Variants in EPHB1 observed in about 807,000 individuals in gnomAD.
EPHB1 encodes EPH receptor B1.
A neutral mutation model predicts 94.4 loss-of-function variants in EPHB1; 30 were observed. The ratio of observed to expected loss-of-function variants is 0.32; its 90% CI spans 0.24 to 0.43. EPHB1 has a LOEUF of 0.43. Ranked by LOEUF, EPHB1 falls within the 20% of genes least tolerant of loss-of-function variation. The pLI, the probability that EPHB1 is intolerant of heterozygous loss-of-function variation, is 1.00. For missense variants in EPHB1, 1,055 were observed against 1,308.3 expected (o/e 0.81, Z 2.99); for synonymous variants, 522 against 489.1 (o/e 1.07, Z -0.89).
chr3:135,037,970 ATT>A, intron 3 of EPHB1, among the ~76,000 whole-genome samples: 1 of 152,162 alleles, frequency 6.6e-6, no homozygotes, highest in South Asian at 2.1e-4. Flanking sequence ...TATCACAGTC[ATT>A]GTTTACCTAC....
chr3:135,175,107 A>G (rs1302128933), intron 9 of EPHB1, among the ~76,000 whole-genome samples: 2 of 152,090 alleles, frequency 1.3e-5, no homozygotes, highest in African/African-American at 4.8e-5. Flanking sequence ...ATCCCCAAAT[A>G]TCACCTACTG....
At chr3:134,917,955 T>A (rs1217949779) in intron 1 of EPHB1, among the ~76,000 whole-genome samples, 1 of 152,246 alleles carries the variant, frequency 6.6e-6, no homozygotes, top group Non-Finnish European at 1.5e-5. Context: ...CCTCTACCTT[T>A]GTTGTACATT....
intron 4 of EPHB1, among the ~76,000 whole-genome samples, chr3:135,126,582 TA>T (rs1423991311): frequency 6.6e-6 from 1 of 152,098 alleles, no homozygotes; most frequent in Non-Finnish European, 1.5e-5. Flanking sequence ...TGCTCAAGGC[TA>T]AGGTTCTGCC....
intron 12 of EPHB1, among the ~76,000 whole-genome samples, chr3:135,237,113 AGACTGTCT>A (rs1943674943): frequency 6.6e-6 from 1 of 152,132 alleles, no homozygotes; most frequent in South Asian, 2.1e-4. Context: ...TGCTTGCTGC[AGACTGTCT>A]GAAGCTGAGG....
intron 1 of EPHB1, among the ~76,000 whole-genome samples, chr3:134,863,843 G>T (rs533636743): frequency 6.6e-6 from 1 of 152,318 alleles, no homozygotes; most frequent in South Asian, 2.1e-4. Flanking sequence ...AGCTTCCTAT[G>T]CCGTAGACTG....
At chr3:134,940,438 G>A (rs1274733258) in intron 2 of EPHB1, among the ~76,000 whole-genome samples, 1 of 152,184 alleles carries the variant, frequency 6.6e-6, no homozygotes, top group East Asian at 1.9e-4. Context: ...AGCTGTAACT[G>A]GCAGAGGTGG....
At chr3:134,872,653 C>A (rs1306280709) in intron 1 of EPHB1, among the ~76,000 whole-genome samples, 1 of 152,184 alleles carries the variant, frequency 6.6e-6, no homozygotes, top group Non-Finnish European at 1.5e-5. Flanking sequence ...CCAATTTACT[C>A]AATTACATGA....
chr3:135,121,907 C>T (rs940945259), intron 4 of EPHB1, among the ~76,000 whole-genome samples: 1 of 152,094 alleles, frequency 6.6e-6, no homozygotes, highest in Non-Finnish European at 1.5e-5. Context: ...TCAGGCAGTC[C>T]CTTATGCATA....
chr3:134,807,127 G>A (rs1363862915), intron 1 of EPHB1, among the ~76,000 whole-genome samples: 1 of 152,236 alleles, frequency 6.6e-6, no homozygotes, highest in Non-Finnish European at 1.5e-5. Context: ...TAAGGCCAGA[G>A]CCACTTCCAG....
chr3:134,921,562 G>A (rs1048105882), intron 1 of EPHB1, among the ~76,000 whole-genome samples: 18 of 152,108 alleles, frequency 1.2e-4, no homozygotes, highest in African/African-American at 4.3e-4. Context: ...ATGCATTGTT[G>A]TATCCCCAAC....
At chr3:134,860,536 C>G (rs535944969) in intron 1 of EPHB1, among the ~76,000 whole-genome samples, 2 of 152,096 alleles carry the variant, frequency 1.3e-5, no homozygotes, top group Non-Finnish European at 2.9e-5. Context: ...ATTTCTTGGC[C>G]GGGCGCGATG....
Position 135,230,403 on chromosome 3 carries a change from A to T in EPHB1, c.2347-10745A>T, listed in dbSNP as rs1056563677. Among the ~76,000 whole-genome samples the T allele has an allele frequency of 3.3e-5, 5 of 151,198 alleles. No individual in the cohort carries two copies. The South Asian group carries it at 1.0e-3, about 32-fold the overall frequency. ...CATTATCAGTACCCCACCATCTAGG[A>T]GAGCAAAGTGTCTAGAGAAGCTAAA... On this transcript the variant is annotated intron_variant, in intron 12 of 15. Transcript: ENST00000398015.
rs115024086 is a variant in EPHB1, at chr3:134,867,682, G to A, written c.59-58134G>A. On this transcript the variant is annotated intron_variant, in intron 1 of 15. Transcript: ENST00000398015. ...GGAGGAGTCTTGGAGAAAAAACACCGAATGAGTTCAAGATTGTATTCCAAT... is the reference window on the plus strand; with the variant it reads ...GGAGGAGTCTTGGAGAAAAAACACCAAATGAGTTCAAGATTGTATTCCAAT... Among the ~76,000 whole-genome samples, 188 of 152,266 alleles carry A rather than the reference G, an allele frequency of 1.2e-3. 1 individual carries two copies. Among genetic ancestry groups the A allele is most frequent in the African/African-American group, 4.2e-3 (175 of 41,548 alleles).
At position 135,031,305 on chromosome 3, in the gene EPHB1, C is replaced by G. The variant is rs1203665874; in HGVS notation, c.806-75143C>G. On this transcript the variant is annotated intron_variant, in intron 3 of 15. Coordinates refer to ENST00000398015, the MANE Select transcript of EPHB1 (RefSeq NM_004441.5). ...TTCTTCCTTCTCTCTCTCTCTTTCT[C>G]CCTTTCTCTCTTTCTCTGTTTCTTG... is the stretch of plus-strand genomic sequence containing the variant. Among the ~76,000 whole-genome samples, 3 of 152,170 alleles carry G rather than the reference C, an allele frequency of 2.0e-5. No homozygotes were observed. The East Asian group carries it at 5.8e-4, about 30-fold the overall frequency.
chr3:135,204,080 G>A (rs1393605354), intron 12 of EPHB1, among the ~76,000 whole-genome samples: 9 of 151,982 alleles, frequency 5.9e-5, no homozygotes, highest in African/African-American at 1.7e-4. Flanking sequence ...GTTTTGATAC[G>A]GGCATGCAAT....
At chr3:134,865,077 T>C (rs575123675) in intron 1 of EPHB1, among the ~76,000 whole-genome samples, 2 of 152,194 alleles carry the variant, frequency 1.3e-5, no homozygotes, top group African/African-American at 2.4e-5. Context: ...TACGTGTGTG[T>C]GTGTGTGTGC....
At chr3:135,218,079 T>C (rs570535009) in intron 12 of EPHB1, among the ~76,000 whole-genome samples, 2 of 152,256 alleles carry the variant, frequency 1.3e-5, no homozygotes, top group Admixed American at 6.5e-5. Flanking sequence ...CTTACTCATC[T>C]TTCAATCATT....
Position 134,856,116 on chromosome 3 carries a change from A to G in EPHB1, c.58+60427A>G, listed in dbSNP as rs148602758. On this transcript the variant is annotated intron_variant, in intron 1 of 15. Transcript: ENST00000398015. The stretch of plus-strand genomic sequence containing the variant: ...AAAAATGGTGGAAAGCAGGAGAGGA[A>G]AGCAAGTTTGTAACTGAGTGCTAGT... Among the ~76,000 whole-genome samples, 96 of 152,276 alleles carry G rather than the reference A, an allele frequency of 6.3e-4. 1 individual carries two copies. The highest frequency in any genetic ancestry group is 2.1e-3 in the African/African-American group (88 of 41,542).
rs1933033779 is a variant in EPHB1 at position 134,951,632 on chromosome 3, T to C, written c.385T>C (p.Trp129Arg). 1 of 1,614,030 alleles carries C rather than the reference T, an allele frequency of 6.2e-7. No homozygotes were observed. The highest frequency in any genetic ancestry group is 8.5e-7 in the Non-Finnish European group (1 of 1,180,012). ...SVIATKKSAF[W>R]SEAPYLKVDT... The stretch of plus-strand genomic sequence containing the variant: ...CATTGCCACCAAGAAGTCAGCCTTC[T>C]GGTCTGAGGCCCCCTACCTCAAAGT... Residue 129 changes from tryptophan (W) to arginine (R), a missense_variant, in exon 3 of 16, where the codon TGG (tryptophan) becomes CGG (arginine). Trp to Arg is a moderately radical substitution (Grantham distance 101). Coordinates refer to ENST00000398015, the MANE Select transcript of EPHB1 (RefSeq NM_004441.5). This position sits in a 1 kb window ranked among gnomAD's most constrained non-coding sequence, Gnocchi z 4.5.
Sources: gnomAD v4.1 joint callset for allele counts (sites outside exome capture counted in the v4.1 genomes callset) on GRCh38, gnomAD v4.1.1 for gene constraint, Gnocchi (gnomAD v3.1) non-coding constraint, MANE v1.5 for transcripts, NCBI Gene and HGNC (gene_info 2026-07-23, HGNC 2026-07-21) for gene names.